The following ARHGAP10 variants were observed in gnomAD, a reference collection of about 807,000 sequenced individuals.
ARHGAP10 encodes Rho GTPase activating protein 10, also known as rho GTPase-activating protein 10.
Under a neutral mutation model 108.6 loss-of-function variants are expected in ARHGAP10, and 87 were observed. The observed-to-expected ratio is 0.80, with a 90% CI of 0.67 to 0.96. The LOEUF (loss-of-function observed/expected upper bound fraction) is 0.96. ARHGAP10 is among the 40% of genes least tolerant of loss of function. The probability of loss-of-function intolerance (pLI) is 0.00; values close to 1 mark genes in which losing one functional copy is unlikely to be tolerated. For missense variants in ARHGAP10, 939 were observed against 954.5 expected, an observed-to-expected ratio of 0.98 and a Z score of 0.21; for synonymous variants, 347 against 341.1, an observed-to-expected ratio of 1.02 and a Z score of -0.19.
At chr4:147,963,738 C>T (rs1280939205) in intron 16 of ARHGAP10, among the ~76,000 whole-genome samples, 3 of 152,198 alleles carry the variant, frequency 2.0e-5, no homozygotes, top group African/African-American at 7.2e-5. Context: ...GAGGGCCGTG[C>T]TCCCTCTGAA....
intron 12 of ARHGAP10, among the ~76,000 whole-genome samples, chr4:147,911,563 C>T (rs556092025): frequency 1.6e-4 from 24 of 152,248 alleles, no homozygotes; most frequent in East Asian, 1.2e-3. Context: ...GGGGTTTCAC[C>T]GTGTTAGCCA....
intron 1 of ARHGAP10, among the ~76,000 whole-genome samples, chr4:147,758,422 T>C (rs1729464855): frequency 6.6e-6 from 1 of 152,216 alleles, no homozygotes; most frequent in Non-Finnish European, 1.5e-5. Context: ...GCTTTTAGTG[T>C]AGTCACAGAT....
chr4:147,930,138 G>A (rs978849393), intron 13 of ARHGAP10, among the ~76,000 whole-genome samples: 86 of 152,264 alleles, frequency 5.6e-4, no homozygotes, highest in African/African-American at 2.0e-3. Flanking sequence ...GCAATCTGCT[G>A]GTTACTAGAT....
chr4:147,901,262 T>G (rs1308108089), intron 10 of ARHGAP10, among the ~76,000 whole-genome samples: 3 of 152,248 alleles, frequency 2.0e-5, no homozygotes, highest in African/African-American at 4.8e-5. Context: ...ACACTAATAC[T>G]TTAGAGGCAG....
intron 18 of ARHGAP10, among the ~76,000 whole-genome samples, chr4:148,008,723 T>C (rs1741047756): frequency 6.6e-6 from 1 of 152,128 alleles, no homozygotes; most frequent in South Asian, 2.1e-4. Flanking sequence ...AAGTGTGAAC[T>C]GGGGTCACCT....
chr4:147,862,966 T>A (rs1362933090), intron 5 of ARHGAP10: 1 of 152,176 alleles, frequency 6.6e-6, no homozygotes, highest in Non-Finnish European at 1.5e-5. Flanking sequence ...AGGTAGAAAT[T>A]CTCATTTTAG....
intron 3 of ARHGAP10, among the ~76,000 whole-genome samples, chr4:147,834,911 G>C (rs1722691084): frequency 6.6e-6 from 1 of 151,758 alleles, no homozygotes; most frequent in African/African-American, 2.4e-5. Flanking sequence ...TTTCTTGTGT[G>C]TCTCATCCTG....
chr4:147,815,344 G>A (rs1359575128), intron 1 of ARHGAP10, among the ~76,000 whole-genome samples: 1 of 152,152 alleles, frequency 6.6e-6, no homozygotes, highest in African/African-American at 2.4e-5. Context: ...ATAAGGTGTG[G>A]TAGCCAGAAT....
intron 5 of ARHGAP10, among the ~76,000 whole-genome samples, chr4:147,859,068 C>T (rs1382756074): frequency 6.6e-6 from 1 of 152,134 alleles, no homozygotes; most frequent in Non-Finnish European, 1.5e-5. Flanking sequence ...GCACCCAACC[C>T]AGCTGGGGTC....
rs183101670 is a variant in ARHGAP10 at position 147,955,110 on chromosome 4, C to T, written c.1392-206C>T. ...TTAGGTCTAGTAGGGATTTGTGGCTCCCTAGGCTTTGATAGTGCTTGGTGC... is the reference window on the plus strand; with the variant it reads ...TTAGGTCTAGTAGGGATTTGTGGCTTCCTAGGCTTTGATAGTGCTTGGTGC... On this transcript the variant is annotated intron_variant, in intron 15 of 22. Transcript: ENST00000336498. Among the ~76,000 whole-genome samples the T allele has an allele frequency of 1.4e-3, 214 of 152,082 alleles. 1 individual carries two copies. The highest frequency in any genetic ancestry group is 4.6e-3 in the African/African-American group (189 of 41,520).
rs1734024488 is a variant in ARHGAP10 at position 147,854,832 on chromosome 4, T to C, written c.385-2721T>C. On this transcript the variant is annotated intron_variant, in intron 4 of 22. Coordinates refer to ENST00000336498, the MANE Select transcript of ARHGAP10 (RefSeq NM_024605.4). ...CCATATATGGACGAAGATATTTCTA[T>C]TCTAAGCTTGGTGGGTGTGATGTTG... The C allele has an allele frequency of 3.0e-6, 3 of 985,322 alleles. No individual in the cohort carries two copies. In the South Asian group the frequency reaches 1.4e-4, roughly 46 times the overall value. The allele number at this position is 985,322 out of a possible 1,614,324, so 61.0% of individuals were successfully genotyped here.
chr4:147,961,814 G>T (rs1343363543), intron 16 of ARHGAP10, among the ~76,000 whole-genome samples: 1 of 152,064 alleles, frequency 6.6e-6, no homozygotes, highest in Non-Finnish European at 1.5e-5. Flanking sequence ...CACTGGCTGT[G>T]CCCAGCCTTT....
At chr4:147,923,679 A>G (rs181548664) in intron 13 of ARHGAP10, among the ~76,000 whole-genome samples, 59 of 152,332 alleles carry the variant, frequency 3.9e-4, no homozygotes, top group Non-Finnish European at 7.8e-4. Context: ...TGTTGCATGT[A>G]AAAGCAAATT....
intron 3 of ARHGAP10, among the ~76,000 whole-genome samples, chr4:147,841,278 T>G (rs1447624065): frequency 6.6e-6 from 1 of 152,272 alleles, no homozygotes; most frequent in African/African-American, 2.4e-5. Context: ...CAAGGCATTT[T>G]GCGACTTCTT....
intron 13 of ARHGAP10, among the ~76,000 whole-genome samples, chr4:147,916,123 G>A (rs140564298): frequency 1.0e-3 from 157 of 152,250 alleles, no homozygotes; most frequent in Middle Eastern, 3.4e-3. Flanking sequence ...CACTTCTTGA[G>A]TCTATGTGAC....
chr4:148,009,255 C>T (rs1741078224), intron 18 of ARHGAP10, among the ~76,000 whole-genome samples: 1 of 151,978 alleles, frequency 6.6e-6, no homozygotes, highest in African/African-American at 2.4e-5. Context: ...CCTCAGCCTC[C>T]CATGTAGCTG....
At chr4:148,069,290 G>A (rs2149694890) in intron 22 of ARHGAP10, among the ~76,000 whole-genome samples, 1 of 152,286 alleles carries the variant, frequency 6.6e-6, no homozygotes. Context: ...CCACTGCTCA[G>A]CTGGGTCCAC....
intron 10 of ARHGAP10, among the ~76,000 whole-genome samples, chr4:147,886,296 G>C (rs113526008): frequency 0.016 from 2,393 of 152,242 alleles, 58 homozygotes; most frequent in African/African-American, 0.052. Context: ...GATGCTTTCA[G>C]CACTTGGCTT....
At chr4:148,012,441 G>A (rs1296111565) in intron 18 of ARHGAP10, among the ~76,000 whole-genome samples, 1 of 152,206 alleles carries the variant, frequency 6.6e-6, no homozygotes, top group Non-Finnish European at 1.5e-5. Flanking sequence ...TCACACTGAA[G>A]GAGAGGCTGG....
Sources: allele counts gnomAD v4.1 joint callset (sites outside exome capture counted in the v4.1 genomes callset), GRCh38; gene constraint gnomAD v4.1.1; transcripts MANE v1.5; gene names NCBI Gene and HGNC (gene_info 2026-07-23, HGNC 2026-07-21).